Variants in KMT2A observed in about 807,000 individuals in gnomAD.
KMT2A encodes the protein lysine methyltransferase 2A.
Under a neutral mutation model 345.3 loss-of-function variants are expected in KMT2A, and 16 were observed. That is an observed-to-expected ratio of 0.05 (90% CI 0.03 to 0.07). The LOEUF is 0.07. Ranked by LOEUF, KMT2A falls within the 10% of genes least tolerant of loss-of-function variation. KMT2A has a pLI of 1.00. For synonymous variants in KMT2A, 1,599 were observed against 1,778.6 expected, an observed-to-expected ratio of 0.90 and a Z score of 2.54; for missense variants, 3,272 against 4,841.6, an observed-to-expected ratio of 0.68 and a Z score of 9.62.
At chr11:118,471,129 A>G (rs546912129) in intron 2 of KMT2A, among the ~76,000 whole-genome samples, 1 of 152,316 alleles carries the variant, frequency 6.6e-6, no homozygotes, top group East Asian at 1.9e-4. Context: ...TTCTTAGTCT[A>G]CTTTGGCAAA....
chr11:118,450,214 G>T (rs1322120067), intron 1 of KMT2A: 1 of 147,240 alleles, frequency 6.8e-6, no homozygotes, highest in East Asian at 2.0e-4. Context: ...TGAGTTTTTG[G>T]TTTTTTTTTT....
chr11:118,453,438 C>G (rs1369559640), intron 1 of KMT2A, among the ~76,000 whole-genome samples: 1 of 151,716 alleles, frequency 6.6e-6, no homozygotes, highest in Non-Finnish European at 1.5e-5. Context: ...TGTTTTTCTT[C>G]TTAACTCATT....
At chr11:118,469,866 A>G (rs1949913060) in intron 2 of KMT2A, among the ~76,000 whole-genome samples, 1 of 152,166 alleles carries the variant, frequency 6.6e-6, no homozygotes, top group African/African-American at 2.4e-5. Context: ...CTTAAAGAGG[A>G]GTGGTATTGT....
chr11:118,459,831 C>T (rs565666859), intron 1 of KMT2A, among the ~76,000 whole-genome samples: 1 of 145,924 alleles, frequency 6.9e-6, no homozygotes, highest in East Asian at 2.0e-4. Flanking sequence ...GGATTACAGG[C>T]GGGCACTACC....
Position 118,473,984 on chromosome 11 carries a change from G to A in KMT2A, c.2825G>A (p.Gly942Glu), listed in dbSNP as rs144235455. ...GRKKSSSHDSGTDITSVTLGD... is the reference protein window; with the variant it reads ...GRKKSSSHDSETDITSVTLGD... ...AAGAAGTCTTCATCACATGATTCTG[G>A]GACTGATATTACTTCTGTGACTCTT... Residue 942 changes from glycine (G) to glutamate (E), a missense_variant, in exon 3 of 36, where the codon GGG becomes GAG. Transcript: ENST00000534358. The surrounding 1 kb of genome is among the most constrained non-coding windows in gnomAD (Gnocchi z 5.2). 46 of 1,613,678 alleles carry A rather than the reference G, an allele frequency of 2.9e-5. 1 individual carries two copies. The Middle Eastern group carries it at 8.2e-4, about 29-fold the overall frequency.
Position 118,498,568 on chromosome 11 carries a change from C to CT in KMT2A, c.5961+46dup. Reference sequence around the variant, plus strand: ...GTTGCTTTAAAAAAAAAAAAAAAGACTTTTTTAGAGCAGTTTTAGGTTCAC... The same window carrying CT: ...GTTGCTTTAAAAAAAAAAAAAAAGACTTTTTTTAGAGCAGTTTTAGGTTCAC... On this transcript the variant is annotated intron_variant, in intron 22 of 35. Coordinates refer to ENST00000534358, the MANE Select transcript of KMT2A (RefSeq NM_001197104.2). This position sits in a 1 kb window ranked among gnomAD's most constrained non-coding sequence, Gnocchi z 4.4. 7.1e-7 allele frequency: 1 copy of CT among 1,411,966 alleles called. No homozygotes were observed. The allele number at this position is 1,411,966 out of a possible 1,614,324, so 87.5% of individuals were successfully genotyped here. A position where few individuals can be genotyped will look rare whatever the true frequency, so the allele number is the denominator to read the frequency against.
At position 118,497,343 on chromosome 11, in the gene KMT2A, TAC is replaced by T. The variant is rs1445087787; in HGVS notation, c.5665-591_5665-590del. 6.6e-6 allele frequency among the ~76,000 whole-genome samples: 1 copy of T among 152,154 alleles called. No individual in the cohort carries two copies. The highest frequency in any genetic ancestry group is 1.5e-5 in the Non-Finnish European group (1 of 68,034). On this transcript the variant is annotated intron_variant, in intron 20 of 35. Coordinates refer to ENST00000534358, the MANE Select transcript of KMT2A (RefSeq NM_001197104.2). This position sits in a 1 kb window ranked among gnomAD's most constrained non-coding sequence, Gnocchi z 4.8. ...CCATCTGAGAGAACTGGCTTTGAAA[TAC>T]AGTTTATAGATGTCACTGCACATTT...
At position 118,491,787 on chromosome 11, in the gene KMT2A, C is replaced by T; in HGVS notation, c.4863C>T (p.Ala1621=). The T allele has an allele frequency of 1.2e-6, 2 of 1,613,308 alleles. No homozygotes were observed. The highest frequency in any genetic ancestry group is 1.7e-6 in the Non-Finnish European group (2 of 1,179,616). The stretch of plus-strand genomic sequence containing the variant: ...TATCTAATCTGCCAGAAAGTGTGGC[C>T]TACACTTGTGTGAACTGTACTGAGC... ...EILSNLPESV[A]YTCVNCTERH... Residue 1621 remains alanine, a synonymous_variant, in exon 15 of 36, where the codon GCC becomes GCT. Transcript: ENST00000534358. The surrounding 1 kb of genome is among the most constrained non-coding windows in gnomAD (Gnocchi z 4.2).
In KMT2A at chr11:118,526,018, A is replaced by G. The variant is rs1555055474; in HGVS notation, c.*3846A>G. 2.3e-5 allele frequency: 5 copies of G among 219,432 alleles called. No individual in the cohort carries two copies. Among genetic ancestry groups the G allele is most frequent in the Admixed American group, 1.2e-4 (2 of 17,304 alleles). 13.6% of individuals were successfully genotyped at this position (219,432 alleles called of 1,614,324 possible). Reference sequence around the variant, plus strand: ...ATAGGAACTAATATAGTAATGCACCATGTAACAAAGCCTAGTTCAGTCCAT... The same window carrying G: ...ATAGGAACTAATATAGTAATGCACCGTGTAACAAAGCCTAGTTCAGTCCAT... On this transcript the variant is annotated 3_prime_UTR_variant, in exon 36 of 36. Coordinates refer to ENST00000534358, the MANE Select transcript of KMT2A (RefSeq NM_001197104.2).
chr11:118,523,070 C>T lies in KMT2A; in HGVS notation c.*898C>T, dbSNP rs1951006311. The T allele has an allele frequency of 4.6e-6, 1 of 219,530 alleles. No individual in the cohort carries two copies. The highest frequency in any genetic ancestry group is 2.2e-5 in the African/African-American group (1 of 44,532). 13.6% of individuals were successfully genotyped at this position (219,530 alleles called of 1,614,324 possible). A position where few individuals can be genotyped will look rare whatever the true frequency, so the allele number is the denominator to read the frequency against. ...GTGGACAGGAGCCATTGGTCATAACCAGACAGAATTTGGAAACATTTTCAT... is the reference window on the plus strand; with the variant it reads ...GTGGACAGGAGCCATTGGTCATAACTAGACAGAATTTGGAAACATTTTCAT... On this transcript the variant is annotated 3_prime_UTR_variant, in exon 36 of 36. Transcript: ENST00000534358.
At position 118,521,202 on chromosome 11, in the gene KMT2A, C is replaced by T. The variant is rs554051422; in HGVS notation, c.11514-86C>T. The T allele has an allele frequency of 9.0e-6, 13 of 1,436,886 alleles. No individual in the cohort carries two copies. In the African/African-American group the frequency reaches 1.3e-4, roughly 14 times the overall value. 89.0% of individuals were successfully genotyped at this position (1,436,886 alleles called of 1,614,324 possible). On this transcript the variant is annotated intron_variant, in intron 34 of 35. Coordinates refer to ENST00000534358, the MANE Select transcript of KMT2A (RefSeq NM_001197104.2). The surrounding 1 kb of genome is among the most constrained non-coding windows in gnomAD (Gnocchi z 5.3). Reference sequence around the variant, plus strand: ...GTATATGTCCCTCCTGGGGAACTAACAGACCAGGAGAACTTATTCATGTAT... The same window carrying T: ...GTATATGTCCCTCCTGGGGAACTAATAGACCAGGAGAACTTATTCATGTAT...
chr11:118,482,589 G>A, intron 8 of KMT2A, 94 bp downstream of exon 8: 1 of 903,618 alleles, frequency 1.1e-6, no homozygotes. Context: ...GATGGCAGTG[G>A]AATTTCTTAA....
In KMT2A at chr11:118,504,145, T is replaced by C; in HGVS notation, c.8253T>C (p.Asn2751=). Residue 2751 remains asparagine, a synonymous_variant, in exon 27 of 36, where the codon AAT becomes AAC. Coordinates refer to ENST00000534358, the MANE Select transcript of KMT2A (RefSeq NM_001197104.2). This position sits in a 1 kb window ranked among gnomAD's most constrained non-coding sequence, Gnocchi z 6.4. ...SQIPKRNGKE[N]GTENLKIDRP... ...TTCCAAAAAGAAATGGTAAAGAAAATGGAACAGAGAACTTAAAGATTGATA... is the reference window on the plus strand; with the variant it reads ...TTCCAAAAAGAAATGGTAAAGAAAACGGAACAGAGAACTTAAAGATTGATA... The C allele has an allele frequency of 1.2e-6, 2 of 1,613,680 alleles. No homozygotes were observed. The highest frequency in any genetic ancestry group is 1.7e-6 in the Non-Finnish European group (2 of 1,179,934).
chr11:118,473,228 T>C lies in KMT2A; in HGVS notation c.2069T>C (p.Met690Thr), dbSNP rs1555036333. 2.5e-6 allele frequency: 4 copies of C among 1,612,216 alleles called. No homozygotes were observed. The highest frequency in any genetic ancestry group is 1.1e-5 in the South Asian group (1 of 90,844). Reference sequence around the variant, plus strand: ...CTCCATTCTGGAACAAGGTTTGATATGCACAAAAGGAGCCCTCTTCTGAGA... The same window carrying C: ...CTCCATTCTGGAACAAGGTTTGATACGCACAAAAGGAGCCCTCTTCTGAGA... ...SPLHSGTRFD[M>T]HKRSPLLRAP... Residue 690 changes from methionine to threonine, a missense_variant, in exon 3 of 36, where the codon ATG becomes ACG. By Grantham distance (81) the Met-to-Thr change is moderately conservative. This residue lies in a region of KMT2A where 114 missense variants were observed against 203.2 expected (regional missense o/e 0.56). Transcript: ENST00000534358. The surrounding 1 kb of genome is among the most constrained non-coding windows in gnomAD (Gnocchi z 5.2).
chr11:118,442,986 T>A (rs1555026250), intron 1 of KMT2A, among the ~76,000 whole-genome samples: 1 of 152,088 alleles, frequency 6.6e-6, no homozygotes, highest in Non-Finnish European at 1.5e-5. Flanking sequence ...AAGGGCTATT[T>A]TTGTTGTTGT....
chr11:118,465,002 C>T (rs1949816736), intron 1 of KMT2A, among the ~76,000 whole-genome samples: 1 of 152,238 alleles, frequency 6.6e-6, no homozygotes, highest in South Asian at 2.1e-4. Context: ...CTGCTCATTC[C>T]TCTCATCAAA....
At chr11:118,459,922 T>C (rs534797226) in intron 1 of KMT2A, among the ~76,000 whole-genome samples, 5 of 152,170 alleles carry the variant, frequency 3.3e-5, no homozygotes, top group Non-Finnish European at 7.3e-5. Flanking sequence ...CTCAAACTCC[T>C]GACCTCAAGT....
chr11:118,492,705 A>G (rs1416392725), intron 15 of KMT2A, among the ~76,000 whole-genome samples: 1 of 152,132 alleles, frequency 6.6e-6, no homozygotes, highest in Non-Finnish European at 1.5e-5. Flanking sequence ...GAAGAACCGC[A>G]TGGATCACTT....
In KMT2A at chr11:118,476,186, G is replaced by A. The variant is rs1035802101; in HGVS notation, c.3157-619G>A. Among the ~76,000 whole-genome samples, 2 of 152,168 alleles carry A rather than the reference G, an allele frequency of 1.3e-5. No homozygotes were observed. The highest frequency in any genetic ancestry group is 1.9e-4 in the East Asian group (1 of 5,192). ...TCCCAAAGTGCTGGGAGTTGCAGGCGTGAGCCACCACCTATACTTTCATTT... is the reference window on the plus strand; with the variant it reads ...TCCCAAAGTGCTGGGAGTTGCAGGCATGAGCCACCACCTATACTTTCATTT... On this transcript the variant is annotated intron_variant, in intron 3 of 35. Coordinates refer to ENST00000534358, the MANE Select transcript of KMT2A (RefSeq NM_001197104.2). The surrounding 1 kb of genome is among the most constrained non-coding windows in gnomAD (Gnocchi z 4.1).
Sources: gnomAD v4.1 joint callset for allele counts (sites outside exome capture counted in the v4.1 genomes callset) on GRCh38, gnomAD v4.1.1 for gene constraint, gnomAD v4.1.1 regional missense constraint, Gnocchi (gnomAD v3.1) non-coding constraint, MANE v1.5 for transcripts, NCBI Gene and HGNC (gene_info 2026-07-23, HGNC 2026-07-21) for gene names.